The following CAMKMT variants were observed in gnomAD, a reference collection of about 807,000 sequenced individuals.
CAMKMT encodes calmodulin-lysine N-methyltransferase.
A neutral mutation model predicts 48.0 loss-of-function variants in CAMKMT; 53 were observed. The observed-to-expected ratio is 1.10, with a 90% CI of 0.89 to 1.39. The LOEUF is 1.39. CAMKMT is among the 40% of genes most tolerant of loss of function. The pLI, the probability that CAMKMT is intolerant of heterozygous loss-of-function variation, is 0.00. For synonymous variants in CAMKMT, 165 were observed against 152.3 expected (o/e 1.08, Z -0.61); for missense variants, 428 against 402.7 (o/e 1.06, Z -0.54).
At chr2:44,646,001 A>G (rs927227435) in intron 3 of CAMKMT, among the ~76,000 whole-genome samples, 1 of 152,254 alleles carries the variant, frequency 6.6e-6, no homozygotes, top group Non-Finnish European at 1.5e-5. Flanking sequence ...ACTTATGACC[A>G]TTATAACCCT....
intron 3 of CAMKMT, among the ~76,000 whole-genome samples, chr2:44,541,816 T>A (rs1192758925): frequency 1.3e-5 from 2 of 151,542 alleles, no homozygotes; most frequent in Non-Finnish European, 2.9e-5. Context: ...CTAAGACTAT[T>A]ACTTCAGAAA....
chr2:44,649,296 C>T (rs572705310), intron 3 of CAMKMT, among the ~76,000 whole-genome samples: 1 of 152,122 alleles, frequency 6.6e-6, no homozygotes, highest in East Asian at 1.9e-4. Flanking sequence ...TTATTGAGTA[C>T]CTACTGAGTT....
intron 3 of CAMKMT, among the ~76,000 whole-genome samples, chr2:44,561,180 C>G (rs1188457518): frequency 1.3e-5 from 2 of 151,924 alleles, no homozygotes; most frequent in African/African-American, 4.8e-5. Flanking sequence ...CTTTCTGATA[C>G]TGTGTTTTGT....
chr2:44,592,570 C>T (rs1487895827), intron 3 of CAMKMT, among the ~76,000 whole-genome samples: 1 of 152,046 alleles, frequency 6.6e-6, no homozygotes, highest in Non-Finnish European at 1.5e-5. Flanking sequence ...ACGATGCTGG[C>T]ATATTGTTAT....
intron 3 of CAMKMT, among the ~76,000 whole-genome samples, chr2:44,571,696 G>C (rs957773673): frequency 6.6e-6 from 1 of 152,116 alleles, no homozygotes; most frequent in Non-Finnish European, 1.5e-5. Flanking sequence ...AAAACAAGCC[G>C]GGTGAGGTGG....
At chr2:44,716,462 TATTA>T (rs1448309591) in intron 7 of CAMKMT, among the ~76,000 whole-genome samples, 1 of 152,254 alleles carries the variant, frequency 6.6e-6, no homozygotes, top group Non-Finnish European at 1.5e-5. Context: ...TTTTCTCTTA[TATTA>T]ATTGGTGAAT....
chr2:44,596,238 C>T (rs572187461), intron 3 of CAMKMT, among the ~76,000 whole-genome samples: 1 of 152,016 alleles, frequency 6.6e-6, no homozygotes, highest in East Asian at 1.9e-4. Flanking sequence ...CACTTCAGGT[C>T]AGGAGTTCGA....
chr2:44,445,632 C>T (rs549294532), intron 3 of CAMKMT, among the ~76,000 whole-genome samples: 87 of 132,344 alleles, frequency 6.6e-4, no homozygotes, highest in Non-Finnish European at 1.2e-3. Context: ...TCCAACATGT[C>T]GGCAAAAGGG....
intron 3 of CAMKMT, among the ~76,000 whole-genome samples, chr2:44,489,320 A>T (rs1027974013): frequency 1.4e-5 from 2 of 140,472 alleles, no homozygotes; most frequent in Admixed American, 7.7e-5. Flanking sequence ...ATCTTGGCTC[A>T]CTGCAATCTC....
At chr2:44,574,574 A>C (rs1030028566) in intron 3 of CAMKMT, among the ~76,000 whole-genome samples, 1 of 151,708 alleles carries the variant, frequency 6.6e-6, no homozygotes, top group African/African-American at 2.4e-5. Flanking sequence ...TAAGATGAAG[A>C]CTCCAAAATG....
intron 3 of CAMKMT, among the ~76,000 whole-genome samples, chr2:44,402,280 T>C (rs1441424866): frequency 8.4e-6 from 1 of 119,130 alleles, no homozygotes; most frequent in Non-Finnish European, 1.7e-5. Flanking sequence ...AGTGAGCCAA[T>C]ATCGCACCAT....
At chr2:44,446,303 C>G (rs1285054698) in intron 3 of CAMKMT, among the ~76,000 whole-genome samples, 3 of 151,992 alleles carry the variant, frequency 2.0e-5, no homozygotes, top group Admixed American at 6.6e-5. Flanking sequence ...TGATTATTCA[C>G]TCTCAGAGCC....
chr2:44,769,490 G>A (rs1420942427), intron 10 of CAMKMT, among the ~76,000 whole-genome samples: 3 of 152,184 alleles, frequency 2.0e-5, no homozygotes, highest in Non-Finnish European at 4.4e-5. Flanking sequence ...CAAATTCATT[G>A]CCCTCATAGT....
rs575829827 is a variant in CAMKMT, at chr2:44,551,845, C to T, written c.377-152438C>T. 4.1e-4 allele frequency among the ~76,000 whole-genome samples: 63 copies of T among 152,226 alleles called. 1 individual carries two copies. Among genetic ancestry groups the T allele is most frequent in the African/African-American group, 1.5e-3 (62 of 41,538 alleles). Reference sequence around the variant, plus strand: ...TCACATAATTATTATTCTCATTTTACAGAAGAGAAAACTGAGTCCTATATA... The same window carrying T: ...TCACATAATTATTATTCTCATTTTATAGAAGAGAAAACTGAGTCCTATATA... On this transcript the variant is annotated intron_variant, in intron 3 of 10. Coordinates refer to ENST00000378494, the MANE Select transcript of CAMKMT (RefSeq NM_024766.5).
At chr2:44,422,482 C>G (rs1045622987) in intron 3 of CAMKMT, among the ~76,000 whole-genome samples, 1 of 152,192 alleles carries the variant, frequency 6.6e-6, no homozygotes, top group Non-Finnish European at 1.5e-5. Flanking sequence ...CCAGGAACCT[C>G]TACACAGATC....
At chr2:44,644,730 A>G (rs1385092584) in intron 3 of CAMKMT, among the ~76,000 whole-genome samples, 2 of 152,160 alleles carry the variant, frequency 1.3e-5, no homozygotes, top group Non-Finnish European at 2.9e-5. Context: ...ATTTTTTATA[A>G]TTAGACTTTT....
chr2:44,730,022 A>G (rs577627383), intron 7 of CAMKMT, among the ~76,000 whole-genome samples: 1 of 152,338 alleles, frequency 6.6e-6, no homozygotes, highest in African/African-American at 2.4e-5. Context: ...CAGATGGAGA[A>G]GTTCTCCTTA....
intron 3 of CAMKMT, among the ~76,000 whole-genome samples, chr2:44,615,928 T>G (rs1376146049): frequency 6.6e-6 from 1 of 152,108 alleles, no homozygotes; most frequent in Admixed American, 6.5e-5. Flanking sequence ...CCAGTATGTT[T>G]TCAGCAAATG....
At chr2:44,427,061 G>T (rs1032086499) in intron 3 of CAMKMT, among the ~76,000 whole-genome samples, 3 of 151,994 alleles carry the variant, frequency 2.0e-5, no homozygotes, top group Non-Finnish European at 4.4e-5. Context: ...AACAATGGGG[G>T]AAGGATACCC....
Sources: allele counts gnomAD v4.1 joint callset (sites outside exome capture counted in the v4.1 genomes callset), GRCh38; gene constraint gnomAD v4.1.1; transcripts MANE v1.5; gene names NCBI Gene and HGNC (gene_info 2026-07-23, HGNC 2026-07-21).